The following ATP8A2 variants were observed in gnomAD, a reference collection of about 807,000 sequenced individuals.
The protein encoded by ATP8A2 is ATPase phospholipid transporting 8A2.
ATP8A2 carries 100 observed loss-of-function variants against 165.6 expected under a neutral mutation model. That is an observed-to-expected ratio of 0.60 (90% CI 0.51 to 0.71). The LOEUF (loss-of-function observed/expected upper bound fraction) is 0.71, where lower values mean the gene tolerates loss of function less well. Among genes scored for constraint, ATP8A2 ranks in the 30% least tolerant of loss-of-function variants. ATP8A2 has a pLI of 0.00. For synonymous variants in ATP8A2, 543 were observed against 548.8 expected (o/e 0.99, Z 0.15); for missense variants, 1,227 against 1,479.5 (o/e 0.83, Z 2.80).
intron 2 of ATP8A2, among the ~76,000 whole-genome samples, chr13:25,507,520 C>T (rs550540582): frequency 2.6e-5 from 4 of 152,146 alleles, no homozygotes; most frequent in African/African-American, 9.6e-5. Context: ...CCCTCCTTGG[C>T]GTGCCAAAGT....
chr13:25,751,504 A>G (rs2044152959), intron 25 of ATP8A2, among the ~76,000 whole-genome samples: 1 of 152,012 alleles, frequency 6.6e-6, no homozygotes, highest in African/African-American at 2.4e-5. Context: ...GAGCACAGTC[A>G]TGGCTCACTA....
At chr13:25,786,041 A>ACT (rs1447338229) in intron 27 of ATP8A2, among the ~76,000 whole-genome samples, 2 of 152,192 alleles carry the variant, frequency 1.3e-5, no homozygotes, top group African/African-American at 4.8e-5. Context: ...ACCCTTATGT[A>ACT]TGCAAGTAAA....
At chr13:25,532,231 A>T in intron 4 of ATP8A2, 41 bp from the exon 5 acceptor site, 1 of 1,513,444 alleles carries the variant, frequency 6.6e-7, no homozygotes, top group Non-Finnish European at 9.1e-7. Context: ...ATTCATGTGG[A>T]ACTTTTGAAT....
At chr13:25,621,679 A>G (rs2040973019) in intron 24 of ATP8A2, among the ~76,000 whole-genome samples, 1 of 152,228 alleles carries the variant, frequency 6.6e-6, no homozygotes, top group Non-Finnish European at 1.5e-5. Flanking sequence ...GTGGATTCCC[A>G]TCCAGTGCTT....
In ATP8A2 at chr13:25,372,382, C is replaced by T. The variant is rs988327275; in HGVS notation, c.76+94C>T. ...TTATGCGACACTGCCCCGCCCGCGC[C>T]CCGCTCCCCTCCCTGGGCTCCCTGG... On this transcript the variant is annotated intron_variant, in intron 1 of 36. Transcript: ENST00000381655. This position sits in a 1 kb window ranked among gnomAD's most constrained non-coding sequence, Gnocchi z 4.8. 8.6e-6 allele frequency: 8 copies of T among 931,058 alleles called. No homozygotes were observed. The highest frequency in any genetic ancestry group is 3.5e-5 in the East Asian group (1 of 28,370). 57.7% of individuals were successfully genotyped at this position (931,058 alleles called of 1,614,324 possible). A position where few individuals can be genotyped will look rare whatever the true frequency, so the allele number is the denominator to read the frequency against.
intron 24 of ATP8A2, among the ~76,000 whole-genome samples, chr13:25,613,473 C>T (rs557838298): frequency 1.2e-4 from 19 of 152,200 alleles, no homozygotes; most frequent in African/African-American, 3.9e-4. Context: ...ACTTGGGAGG[C>T]TGAGGCAGGA....
intron 2 of ATP8A2, among the ~76,000 whole-genome samples, chr13:25,513,007 G>T (rs1201535991): frequency 6.8e-6 from 1 of 146,942 alleles, no homozygotes; most frequent in African/African-American, 2.5e-5. Context: ...CCGGGCGGGG[G>T]GCTGACCCCC....
chr13:25,819,014 G>GT (rs1171296334), intron 27 of ATP8A2, among the ~76,000 whole-genome samples: 1 of 152,160 alleles, frequency 6.6e-6, no homozygotes, highest in African/African-American at 2.4e-5. Context: ...TAATAAAAAT[G>GT]TATAAGGAAA....
At chr13:25,881,318 A>G (rs1952972039) in intron 33 of ATP8A2, among the ~76,000 whole-genome samples, 1 of 152,172 alleles carries the variant, frequency 6.6e-6, no homozygotes, top group South Asian at 2.1e-4. Context: ...ACATGCAGGA[A>G]ATTCCTCATT....
intron 35 of ATP8A2, among the ~76,000 whole-genome samples, chr13:25,972,246 T>C (rs374622198): frequency 2.2e-4 from 34 of 152,356 alleles, no homozygotes; most frequent in African/African-American, 8.2e-4. Context: ...TGTCTAAGCC[T>C]CATACTTTTA....
At chr13:25,613,877 G>GAT (rs1455342679) in intron 24 of ATP8A2, among the ~76,000 whole-genome samples, 2 of 152,128 alleles carry the variant, frequency 1.3e-5, no homozygotes, top group Non-Finnish European at 2.9e-5. Flanking sequence ...CAGAGGTTGT[G>GAT]ATTGTAGAGT....
chr13:25,862,257 AGGCT>A, intron 32 of ATP8A2, 40 bp from the exon 33 acceptor site: 1 of 1,452,642 alleles, frequency 6.9e-7, no homozygotes, highest in South Asian at 1.2e-5. Context: ...TGAATCTGCC[AGGCT>A]GGTCGAGAAG....
chr13:25,596,308 A>G (rs2040234653), intron 24 of ATP8A2, among the ~76,000 whole-genome samples: 6 of 152,224 alleles, frequency 3.9e-5, no homozygotes, highest in Admixed American at 3.9e-4. Context: ...CTATTGAGAT[A>G]CAGTTTACAT....
At chr13:25,739,259 G>T (rs561553407) in intron 25 of ATP8A2, among the ~76,000 whole-genome samples, 31 of 152,354 alleles carry the variant, frequency 2.0e-4, no homozygotes, top group Middle Eastern at 6.8e-3. Context: ...GTTCCAGGAG[G>T]AGCTGCTGTC....
intron 25 of ATP8A2, among the ~76,000 whole-genome samples, chr13:25,700,829 TG>T (rs1566060658): frequency 6.6e-6 from 1 of 152,220 alleles, no homozygotes; most frequent in African/African-American, 2.4e-5. Flanking sequence ...TGGCAATATG[TG>T]ATTGTTTCAG....
At chr13:25,969,168 G>A (rs1185906768) in intron 35 of ATP8A2, among the ~76,000 whole-genome samples, 1 of 152,180 alleles carries the variant, frequency 6.6e-6, no homozygotes, top group African/African-American at 2.4e-5. Flanking sequence ...AACATTTTCT[G>A]CTGGGAGTGA....
intron 10 of ATP8A2, among the ~76,000 whole-genome samples, chr13:25,544,669 A>G (rs1337808550): frequency 6.6e-6 from 1 of 152,190 alleles, no homozygotes; most frequent in African/African-American, 2.4e-5. Flanking sequence ...GTAGGAAGAC[A>G]AAGGCAGAGC....
chr13:25,970,005 T>C (rs556317913), intron 35 of ATP8A2, among the ~76,000 whole-genome samples: 135 of 152,224 alleles, frequency 8.9e-4, no homozygotes, highest in African/African-American at 2.9e-3. Context: ...AAAAAACATA[T>C]TCATAAGCTC....
Position 25,618,863 on chromosome 13 carries a change from G to A in ATP8A2, c.2211+29164G>A, listed in dbSNP as rs113421327. ...CAATCAGTTCTTGGGTGGTGGAAAA[G>A]GGCTTGCTCAATCCGCTTCTTAGCA... On this transcript the variant is annotated intron_variant, in intron 24 of 36. Transcript: ENST00000381655. Among the ~76,000 whole-genome samples the A allele has an allele frequency of 1.2e-3, 178 of 152,018 alleles. 3 individuals are homozygous for A. Among genetic ancestry groups the A allele is most frequent in the African/African-American group, 4.0e-3 (165 of 41,440 alleles).
Sources: allele counts gnomAD v4.1 joint callset (sites outside exome capture counted in the v4.1 genomes callset), GRCh38; gene constraint gnomAD v4.1.1; non-coding constraint Gnocchi (gnomAD v3.1); transcripts MANE v1.5; gene names NCBI Gene and HGNC (gene_info 2026-07-23, HGNC 2026-07-21).